NUP107: variants seen among roughly 807,000 people sequenced by gnomAD.
The protein encoded by NUP107 is nuclear pore complex protein Nup107.
In NUP107, 101 loss-of-function variants were observed where a neutral mutation model predicts 141.0. The ratio of observed to expected loss-of-function variants is 0.72; its 90% CI spans 0.61 to 0.84. The LOEUF is 0.84. Ranked by LOEUF, NUP107 falls within the 40% of genes least tolerant of loss-of-function variation. NUP107 has a pLI of 0.00. For missense variants in NUP107, 941 were observed against 1,102.7 expected (o/e 0.85, Z 2.08); for synonymous variants, 319 against 363.9 (o/e 0.88, Z 1.41).
chr12:68,711,211 C>T (rs1256465498), intron 10 of NUP107, among the ~76,000 whole-genome samples: 2 of 151,862 alleles, frequency 1.3e-5, no homozygotes, highest in African/African-American at 2.4e-5. Flanking sequence ...ATTAGCCAGG[C>T]GTGGTGGCGG....
chr12:68,733,402 C>A, intron 23 of NUP107, 50 bp from the exon 24 acceptor site: 2 of 1,531,864 alleles, frequency 1.3e-6, no homozygotes, highest in South Asian at 1.3e-5. Flanking sequence ...CTTTAGAAAC[C>A]ATTACAGAGA....
chr12:68,735,971 T>C (rs1255926593), intron 26 of NUP107, among the ~76,000 whole-genome samples: 1 of 152,206 alleles, frequency 6.6e-6, no homozygotes, highest in African/African-American at 2.4e-5. Flanking sequence ...TTGAAATGTA[T>C]AGCATTTGAC....
In NUP107 at chr12:68,716,290, G is replaced by A. The variant is rs899036963; in HGVS notation, c.1083+550G>A. ...ATCTCACTGTCGCCTAGACTGGAAT[G>A]CAGTGATATAATCATGGCCCACTGC... On this transcript the variant is annotated intron_variant, in intron 12 of 27. Transcript: ENST00000229179. Among the ~76,000 whole-genome samples, 4 of 134,084 alleles carry A rather than the reference G, an allele frequency of 3.0e-5. 1 individual carries two copies. The Admixed American group carries it at 3.4e-4, about 11-fold the overall frequency. The allele number at this position is 134,084 out of a possible 152,430, so 88.0% of individuals were successfully genotyped here. A position where few individuals can be genotyped will look rare whatever the true frequency, so the allele number is the denominator to read the frequency against.
At chr12:68,695,126 T>G (rs1287237017) in intron 5 of NUP107, among the ~76,000 whole-genome samples, 2 of 152,158 alleles carry the variant, frequency 1.3e-5, no homozygotes, top group Admixed American at 1.3e-4. Flanking sequence ...ATAACAAGTA[T>G]TGACAACAAT....
intron 10 of NUP107, among the ~76,000 whole-genome samples, chr12:68,710,671 A>G (rs1195721763): frequency 6.9e-6 from 1 of 145,732 alleles, no homozygotes; most frequent in Non-Finnish European, 1.5e-5. Flanking sequence ...AAAAAAAAAC[A>G]GAAAAGAAAT....
In NUP107 at chr12:68,723,238, T is replaced by C. The variant is rs535458229; in HGVS notation, c.1506+1086T>C. ...AAAAAATTAGCTGGGTATGGTGGTG[T>C]ACCCACTTGTAGTCCCAGCTCCTCC... On this transcript the variant is annotated intron_variant, in intron 17 of 27. Coordinates refer to ENST00000229179, the MANE Select transcript of NUP107 (RefSeq NM_020401.4). Among the ~76,000 whole-genome samples, 819 of 151,634 alleles carry C rather than the reference T, an allele frequency of 5.4e-3. 3 individuals carry two copies. The highest frequency in any genetic ancestry group is 0.02 in the South Asian group (95 of 4,800).
chr12:68,734,879 T>C, intron 25 of NUP107, 46 bp downstream of exon 25: 2 of 1,585,926 alleles, frequency 1.3e-6, no homozygotes, highest in South Asian at 1.1e-5. Context: ...ATCTTATAAA[T>C]GTGTGTTGTA....
chr12:68,695,998 T>TC (rs746061407), intron 5 of NUP107, among the ~76,000 whole-genome samples: 1 of 138,328 alleles, frequency 7.2e-6, no homozygotes. Flanking sequence ...CAGAGCAAGA[T>TC]CCCCCTCTCT....
intron 9 of NUP107, 33 bp from the exon 10 acceptor site, chr12:68,709,972 T>A (rs781155155): frequency 1.6e-6 from 2 of 1,217,150 alleles, no homozygotes; most frequent in South Asian, 2.4e-5. Context: ...ATTTGGTAGT[T>A]AACACTAATT....
In NUP107 at chr12:68,719,196, CATT is replaced by C. The variant is rs369038685; in HGVS notation, c.1084-140_1084-138del. ...GAGCCACCACGCCCAGCCAGAATTC[CATT>C]ATTAACTGTCTACATCCATCCCTTG... On this transcript the variant is annotated intron_variant, in intron 12 of 27. Coordinates refer to ENST00000229179, the MANE Select transcript of NUP107 (RefSeq NM_020401.4). 2.6e-3 allele frequency: 1,530 copies of C among 588,728 alleles called. 19 individuals carry two copies. The highest frequency in any genetic ancestry group is 0.018 in the South Asian group (860 of 47,836). 36.5% of individuals were successfully genotyped at this position (588,728 alleles called of 1,614,324 possible).
Position 68,733,454 on chromosome 12 carries a change from T to C in NUP107, c.2104T>C (p.Ser702Pro). 6.2e-7 allele frequency: 1 copy of C among 1,607,744 alleles called. No individual in the cohort carries two copies. Among genetic ancestry groups the C allele is most frequent in the Non-Finnish European group, 8.5e-7 (1 of 1,177,144 alleles). ...GNAIMRKFLA[S>P]KKHEAAKEVF... Reference sequence around the variant, plus strand: ...AAATTGTGTATCTTTTTTCACAGCATCAAAAAAGCACGAAGCTGCAAAAGA... The same window carrying C: ...AAATTGTGTATCTTTTTTCACAGCACCAAAAAAGCACGAAGCTGCAAAAGA... The change falls in exon 24 of 28, where the codon TCA becomes CCA. Residue 702 changes from serine to proline, a missense_variant and splice_region_variant. Physicochemically the swap from Ser to Pro is moderately conservative, Grantham distance 74. Transcript: ENST00000229179.
intron 10 of NUP107, among the ~76,000 whole-genome samples, chr12:68,710,325 C>T (rs1262829743): frequency 6.6e-6 from 1 of 152,018 alleles, no homozygotes; most frequent in Non-Finnish European, 1.5e-5. Flanking sequence ...TTGTGGGTTT[C>T]GCATCCATGG....
Position 68,731,676 on chromosome 12 carries a change from GTCA to G in NUP107, c.1960_1962del (p.His654del). ...CGAAAGAAAGATAATGGTGAATTTA[GTCA>G]TCATGACCTGGCCCCAGCCCTAGAT... On this transcript the variant is annotated inframe_deletion, in exon 22 of 28. Coordinates refer to ENST00000229179, the MANE Select transcript of NUP107 (RefSeq NM_020401.4). 6.3e-7 allele frequency: 1 copy of G among 1,588,972 alleles called. No individual in the cohort carries two copies.
intron 22 of NUP107, 40 bp from the exon 23 acceptor site, chr12:68,732,597 T>G: frequency 1.6e-6 from 2 of 1,266,290 alleles, no homozygotes. Context: ...AAAAAAAAAC[T>G]CTGATATTCC....
At chr12:68,732,306 T>G (rs1877864240) in intron 22 of NUP107, among the ~76,000 whole-genome samples, 2 of 152,108 alleles carry the variant, frequency 1.3e-5, no homozygotes, top group Admixed American at 1.3e-4. Context: ...GGCTAATTTT[T>G]TGTATTCTTT....
intron 18 of NUP107, 32 bp from the exon 19 acceptor site, chr12:68,726,467 T>C (rs1279352325): frequency 7.5e-7 from 1 of 1,336,820 alleles, no homozygotes; most frequent in South Asian, 1.2e-5. Context: ...ATTTTATTCC[T>C]ATTGTTGAAT....
At chr12:68,729,913 A>G (rs565391844) in intron 20 of NUP107, among the ~76,000 whole-genome samples, 1 of 151,300 alleles carries the variant, frequency 6.6e-6, no homozygotes, top group South Asian at 2.1e-4. Flanking sequence ...ATATTTTTCA[A>G]ATTGTCACAA....
At chr12:68,709,966 G>T in intron 9 of NUP107, 39 bp from the exon 10 acceptor site, 1 of 1,112,932 alleles carries the variant, frequency 9.0e-7, no homozygotes. Context: ...AAATAGATTT[G>T]GTAGTTAACA....
intron 20 of NUP107, among the ~76,000 whole-genome samples, chr12:68,730,225 T>C (rs998835687): frequency 2.2e-5 from 3 of 137,494 alleles, no homozygotes; most frequent in East Asian, 2.1e-4. Flanking sequence ...TTTTTTTTTT[T>C]TTTTTTTTTT....
Sources: gnomAD v4.1 joint callset for allele counts (sites outside exome capture counted in the v4.1 genomes callset) on GRCh38, gnomAD v4.1.1 for gene constraint, MANE v1.5 for transcripts, NCBI Gene and HGNC (gene_info 2026-07-23, HGNC 2026-07-21) for gene names.